The following RAB6A variants were observed in gnomAD, a reference collection of about 807,000 sequenced individuals.
RAB6A encodes the protein RAB6A, member RAS oncogene family.
In RAB6A, 8 loss-of-function variants were observed where a neutral mutation model predicts 32.3. The ratio of observed to expected loss-of-function variants is 0.25; its 90% CI spans 0.15 to 0.45. The LOEUF (loss-of-function observed/expected upper bound fraction) is 0.45, where lower values mean the gene tolerates loss of function less well. RAB6A is among the 20% of genes least tolerant of loss of function. RAB6A has a pLI of 1.00. For missense variants in RAB6A, 104 were observed against 249.4 expected, an observed-to-expected ratio of 0.42 and a Z score of 3.93; for synonymous variants, 73 against 82.1, an observed-to-expected ratio of 0.89 and a Z score of 0.60.
intron 6 of RAB6A, among the ~76,000 whole-genome samples, chr11:73,686,857 G>A (rs1023500424): frequency 1.3e-5 from 2 of 151,906 alleles, no homozygotes; most frequent in African/African-American, 4.8e-5. Flanking sequence ...TTAACATATG[G>A]TCCAGCAGTT....
intron 1 of RAB6A, among the ~76,000 whole-genome samples, chr11:73,731,538 CAAAA>C (rs542226534): frequency 1.3e-5 from 1 of 75,428 alleles, no homozygotes; most frequent in East Asian, 3.8e-4. Context: ...GACTCCGTCT[CAAAA>C]AAAAAAAAAA....
chr11:73,706,701 T>A (rs747121001), intron 6 of RAB6A, among the ~76,000 whole-genome samples: 22 of 152,126 alleles, frequency 1.4e-4, no homozygotes, highest in Non-Finnish European at 2.9e-4. Flanking sequence ...GTAAACACTG[T>A]TCAAACACCA....
At chr11:73,735,115 T>C (rs545472192) in intron 1 of RAB6A, among the ~76,000 whole-genome samples, 1 of 152,378 alleles carries the variant, frequency 6.6e-6, no homozygotes, top group South Asian at 2.1e-4. Flanking sequence ...TTTCAACATT[T>C]ATAATAACAT....
chr11:73,683,249 ATC>A (rs1945388341), intron 6 of RAB6A, among the ~76,000 whole-genome samples: 1 of 111,890 alleles, frequency 8.9e-6, no homozygotes, highest in Non-Finnish European at 1.7e-5. Context: ...ATATAGACCC[ATC>A]TTTTTTTTTT....
intron 2 of RAB6A, among the ~76,000 whole-genome samples, chr11:73,724,073 A>G (rs1946181391): frequency 1.3e-5 from 2 of 152,232 alleles, no homozygotes; most frequent in South Asian, 2.1e-4. Context: ...AATTCCATAT[A>G]AACGCTTATG....
At chr11:73,749,272 C>A (rs555160590) in intron 1 of RAB6A, among the ~76,000 whole-genome samples, 22 of 152,142 alleles carry the variant, frequency 1.4e-4, no homozygotes, top group Non-Finnish European at 2.4e-4. Flanking sequence ...GAAAATCAAA[C>A]ATCGTGTGTT....
intron 6 of RAB6A, among the ~76,000 whole-genome samples, chr11:73,689,048 A>C (rs1225315702): frequency 6.6e-6 from 1 of 152,064 alleles, no homozygotes; most frequent in Non-Finnish European, 1.5e-5. Context: ...ATTTGAGCCC[A>C]GAAGTTGAGG....
At chr11:73,757,129 ATTTTTTTTTTTT>A (rs869261713) in intron 1 of RAB6A, among the ~76,000 whole-genome samples, 4 of 30,356 alleles carry the variant, frequency 1.3e-4, no homozygotes, top group Admixed American at 6.4e-4. Context: ...ATATATATAT[ATTTTTTTTTTTT>A]TTTTTTTTTT....
At chr11:73,678,841 T>G (rs371670951) in intron 7 of RAB6A, among the ~76,000 whole-genome samples, 29 of 151,264 alleles carry the variant, frequency 1.9e-4, no homozygotes, top group African/African-American at 6.5e-4. Context: ...TTCTCCTGCC[T>G]CAACCTCCTT....
At chr11:73,681,810 A>G (rs1945363454) in intron 6 of RAB6A, among the ~76,000 whole-genome samples, 1 of 152,174 alleles carries the variant, frequency 6.6e-6, no homozygotes, top group Admixed American at 6.5e-5. Context: ...CTCTGTCTGG[A>G]AAAACAACAC....
intron 6 of RAB6A, chr11:73,704,028 CAAAA>C (rs984964478): frequency 2.1e-4 from 21 of 100,950 alleles, no homozygotes; most frequent in African/African-American, 6.1e-4. Context: ...GACTCCATCT[CAAAA>C]AAAAAAAAAA....
intron 1 of RAB6A, among the ~76,000 whole-genome samples, chr11:73,757,112 T>C (rs1384662850): frequency 2.1e-4 from 9 of 42,154 alleles, no homozygotes; most frequent in African/African-American, 5.4e-4. Context: ...TATATATATA[T>C]ATATATATAT....
At chr11:73,733,185 T>G (rs750293357) in intron 1 of RAB6A, among the ~76,000 whole-genome samples, 8 of 152,284 alleles carry the variant, frequency 5.3e-5, no homozygotes, top group African/African-American at 1.7e-4. Flanking sequence ...CATTGATTTT[T>G]TTGTTGTTGT....
intron 6 of RAB6A, among the ~76,000 whole-genome samples, chr11:73,699,321 T>A (rs1945705104): frequency 6.6e-6 from 1 of 152,202 alleles, no homozygotes; most frequent in South Asian, 2.1e-4. Flanking sequence ...TGCAGTGGCG[T>A]GCTAATAGCT....
chr11:73,755,893 G>A lies in RAB6A; in HGVS notation c.70+4673C>T, dbSNP rs146609566. Among the ~76,000 whole-genome samples, 1,375 of 151,424 alleles carry A rather than the reference G, an allele frequency of 9.1e-3. 15 individuals are homozygous for A. Among genetic ancestry groups the A allele is most frequent in the Middle Eastern group, 0.034 (10 of 292 alleles). On this transcript the variant is annotated intron_variant, in intron 1 of 7. Coordinates refer to ENST00000336083, the MANE Select transcript of RAB6A (RefSeq NM_198896.2). Reference sequence around the variant, plus strand: ...AGAACAAGAGGAGGAGGAGAAGGAAGAGGAGGAGGAAGAAGAGGAGGAGGA... The same window carrying A: ...AGAACAAGAGGAGGAGGAGAAGGAAAAGGAGGAGGAAGAAGAGGAGGAGGA...
At chr11:73,757,098 CATATATATAT>C (rs1170100550) in intron 1 of RAB6A, among the ~76,000 whole-genome samples, 488 of 37,660 alleles carry the variant, frequency 0.013, 12 homozygotes, top group Middle Eastern at 0.11. Flanking sequence ...AATATACATA[CATATATATAT>C]ATATATATAT....
intron 1 of RAB6A, 74 bp from the exon 2 acceptor site, chr11:73,730,897 A>G (rs1420369487): frequency 6.5e-6 from 7 of 1,076,142 alleles, no homozygotes; most frequent in Non-Finnish European, 9.7e-6. Flanking sequence ...TTCTACAGAG[A>G]ACTGCAATTA....
intron 1 of RAB6A, among the ~76,000 whole-genome samples, chr11:73,756,619 C>T (rs576136599): frequency 3.5e-4 from 54 of 152,268 alleles, no homozygotes; most frequent in African/African-American, 1.3e-3. Flanking sequence ...AGACAATAGC[C>T]AGAGGTAGTA....
chr11:73,750,843 G>T (rs1946660549), intron 1 of RAB6A, among the ~76,000 whole-genome samples: 1 of 151,856 alleles, frequency 6.6e-6, no homozygotes, highest in Non-Finnish European at 1.5e-5. Context: ...TTGAGGCAGG[G>T]TCTTGCTCTG....
Sources: gnomAD v4.1 joint callset for allele counts (sites outside exome capture counted in the v4.1 genomes callset) on GRCh38, gnomAD v4.1.1 for gene constraint, MANE v1.5 for transcripts, NCBI Gene and HGNC (gene_info 2026-07-23, HGNC 2026-07-21) for gene names.